The following LMO3 variants were observed in gnomAD, a reference collection of about 807,000 sequenced individuals.
The protein encoded by LMO3 is LIM domain only protein 3.
In LMO3, 2 loss-of-function variants were observed where a neutral mutation model predicts 15.8. That is an observed-to-expected ratio of 0.13 (90% CI 0.05 to 0.40). LMO3 has a LOEUF of 0.40. Among genes scored for constraint, LMO3 ranks in the 10% least tolerant of loss-of-function variants. LMO3 has a pLI of 0.99. For missense variants in LMO3, 86 were observed against 182.2 expected (o/e 0.47, Z 3.04); for synonymous variants, 62 against 63.8 (o/e 0.97, Z 0.13).
chr12:16,549,024 A>G lies in LMO3; in HGVS notation c.*2198T>C, dbSNP rs1023216756. ...TCCCAATTTACAAGTATTTTGACAT[A>G]TAGATAAACAAAAGCAAAACCAGTT... On this transcript the variant is annotated 3_prime_UTR_variant, in exon 4 of 4. Transcript: ENST00000537304. The G allele has an allele frequency of 6.6e-6, 1 of 152,176 alleles. No homozygotes were observed. 9.4% of individuals were successfully genotyped at this position (152,176 alleles called of 1,614,324 possible).
rs1375022210 is a variant in LMO3, at chr12:16,560,598, AAG to A, written c.207-62_207-61del. 78 of 1,475,062 alleles carry A rather than the reference AAG, an allele frequency of 5.3e-5. No homozygotes were observed. Among genetic ancestry groups the A allele is most frequent in the Non-Finnish European group, 6.4e-5 (68 of 1,067,058 alleles). 91.4% of individuals were successfully genotyped at this position (1,475,062 alleles called of 1,614,324 possible). On this transcript the variant is annotated intron_variant, in intron 2 of 3. Transcript: ENST00000537304. This position sits in a 1 kb window ranked among gnomAD's most constrained non-coding sequence, Gnocchi z 5.0. ...TCTTACAGAGAAATCTGAGATCGTGAAGAGAGATGATGTTAATATACTCTGTA... is the reference window on the plus strand; with the variant it reads ...TCTTACAGAGAAATCTGAGATCGTGAAGAGATGATGTTAATATACTCTGTA...
intron 2 of LMO3, among the ~76,000 whole-genome samples, chr12:16,590,913 G>T (rs574119832): frequency 6.6e-6 from 1 of 151,988 alleles, no homozygotes; most frequent in East Asian, 1.9e-4. Flanking sequence ...ATCACACAGG[G>T]TCATCAATGG....
At chr12:16,554,039 G>T (rs1942092915) in intron 3 of LMO3, among the ~76,000 whole-genome samples, 1 of 152,038 alleles carries the variant, frequency 6.6e-6, no homozygotes, top group Admixed American at 6.5e-5. Context: ...TTATGGTAAG[G>T]AATAAGAAGA....
Position 16,593,498 on chromosome 12 carries a change from T to C in LMO3, c.206+7157A>G, listed in dbSNP as rs965424214. Reference sequence around the variant, plus strand: ...TTTGCATCAGAAAACACTAACATGATAGCGCAAAGGAATTCGGCGAAAAGA... The same window carrying C: ...TTTGCATCAGAAAACACTAACATGACAGCGCAAAGGAATTCGGCGAAAAGA... On this transcript the variant is annotated intron_variant, in intron 2 of 3. Coordinates refer to ENST00000537304, the MANE Select transcript of LMO3 (RefSeq NM_018640.5). This position sits in a 1 kb window ranked among gnomAD's most constrained non-coding sequence, Gnocchi z 4.2. Among the ~76,000 whole-genome samples the C allele has an allele frequency of 6.6e-6, 1 of 151,742 alleles. No individual in the cohort carries two copies. Among genetic ancestry groups the C allele is most frequent in the Non-Finnish European group, 1.5e-5 (1 of 67,788 alleles).
In LMO3 at chr12:16,579,489, C is replaced by G. The variant is rs563308870; in HGVS notation, c.207-18951G>C. On this transcript the variant is annotated intron_variant, in intron 2 of 3. Transcript: ENST00000537304. The stretch of plus-strand genomic sequence containing the variant: ...GGTATATCAGTAGCTTAAAAGCCAA[C>G]GCAGATGTATAAGTGAATAGTTCCC... Among the ~76,000 whole-genome samples the G allele has an allele frequency of 7.9e-5, 12 of 152,128 alleles. 1 individual carries two copies. Among genetic ancestry groups the G allele is most frequent in the African/African-American group, 2.9e-4 (12 of 41,404 alleles).
chr12:16,559,676 G>C lies in LMO3; in HGVS notation c.332+737C>G, dbSNP rs987299485. On this transcript the variant is annotated intron_variant, in intron 3 of 3. Coordinates refer to ENST00000537304, the MANE Select transcript of LMO3 (RefSeq NM_018640.5). The surrounding 1 kb of genome is among the most constrained non-coding windows in gnomAD (Gnocchi z 4.1). ...AAGGTAAACAGCTAGATTGGGTGGGGGTGGTGGCTCATGCCTATAATCCCT... is the reference window on the plus strand; with the variant it reads ...AAGGTAAACAGCTAGATTGGGTGGGCGTGGTGGCTCATGCCTATAATCCCT... Among the ~76,000 whole-genome samples the C allele has an allele frequency of 2.6e-5, 4 of 152,130 alleles. No individual in the cohort carries two copies. Among genetic ancestry groups the C allele is most frequent in the Non-Finnish European group, 5.9e-5 (4 of 67,982 alleles).
rs561463420 is a variant in LMO3 at position 16,594,373 on chromosome 12, G to A, written c.206+6282C>T. 12 of 954,146 alleles carry A rather than the reference G, an allele frequency of 1.3e-5. No individual in the cohort carries two copies. In the South Asian group the frequency reaches 2.3e-4, roughly 18 times the overall value. The allele number at this position is 954,146 out of a possible 1,614,324, so 59.1% of individuals were successfully genotyped here. On this transcript the variant is annotated intron_variant, in intron 2 of 3. Transcript: ENST00000537304. ...AAGAAAGAAAAAGGCCATTTATAGA[G>A]ACATGGCTAATACAAATGGAGTTTT...
Position 16,596,353 on chromosome 12 carries a change from T to C in LMO3, c.206+4302A>G, listed in dbSNP as rs1443895286. Among the ~76,000 whole-genome samples the C allele has an allele frequency of 1.3e-5, 2 of 151,630 alleles. No homozygotes were observed. Among genetic ancestry groups the C allele is most frequent in the Non-Finnish European group, 3.0e-5 (2 of 67,622 alleles). ...AAATAGCAAATTGCATTAAATTTTA[T>C]ATAAGACATTTTACAGCTTCTTATA... On this transcript the variant is annotated intron_variant, in intron 2 of 3. Transcript: ENST00000537304. This position sits in a 1 kb window ranked among gnomAD's most constrained non-coding sequence, Gnocchi z 4.3.
intron 3 of LMO3, among the ~76,000 whole-genome samples, chr12:16,558,224 T>A (rs1410109298): frequency 4.6e-5 from 7 of 152,082 alleles, no homozygotes; most frequent in Non-Finnish European, 1.0e-4. Context: ...CATAGGAACA[T>A]GTATGGCTGG....
At chr12:16,552,969 TA>T (rs1942047850) in intron 3 of LMO3, among the ~76,000 whole-genome samples, 1 of 152,104 alleles carries the variant, frequency 6.6e-6, no homozygotes, top group South Asian at 2.1e-4. Context: ...TAATTGAAAA[TA>T]AAACTTTGGT....
Position 16,604,048 on chromosome 12 carries a change from G to GCAGC in LMO3, c.-9+2014_-9+2017dup, listed in dbSNP as rs1943912192. The stretch of plus-strand genomic sequence containing the variant: ...ATGCTAAAATGGGAATGCAGGTTCT[G>GCAGC]CAGCTGGGAGCATTGACACAGATTA... On this transcript the variant is annotated intron_variant, in intron 1 of 3. Coordinates refer to ENST00000537304, the MANE Select transcript of LMO3 (RefSeq NM_018640.5). This position sits in a 1 kb window ranked among gnomAD's most constrained non-coding sequence, Gnocchi z 5.3. 6.6e-6 allele frequency among the ~76,000 whole-genome samples: 1 copy of GCAGC among 152,190 alleles called. No individual in the cohort carries two copies. Among genetic ancestry groups the GCAGC allele is most frequent in the Non-Finnish European group, 1.5e-5 (1 of 68,030 alleles).
intron 1 of LMO3, chr12:16,605,011 G>A: frequency 2.5e-6 from 4 of 1,578,714 alleles, no homozygotes; most frequent in Non-Finnish European, 3.4e-6. Flanking sequence ...AGCCTACACC[G>A]CCGAGGACCG....
rs1455430548 is a variant in LMO3, at chr12:16,582,878, T to C, written c.206+17777A>G. 1.3e-5 allele frequency among the ~76,000 whole-genome samples: 2 copies of C among 151,744 alleles called. No homozygotes were observed. Among genetic ancestry groups the C allele is most frequent in the Non-Finnish European group, 2.9e-5 (2 of 67,930 alleles). On this transcript the variant is annotated intron_variant, in intron 2 of 3. Coordinates refer to ENST00000537304, the MANE Select transcript of LMO3 (RefSeq NM_018640.5). This position sits in a 1 kb window ranked among gnomAD's most constrained non-coding sequence, Gnocchi z 4.1. Reference sequence around the variant, plus strand: ...GCCTGGCCAACATGGCGAAACCCCGTCTCTACTAAAATAAAAAAATTAGCC... The same window carrying C: ...GCCTGGCCAACATGGCGAAACCCCGCCTCTACTAAAATAAAAAAATTAGCC...
intron 2 of LMO3, among the ~76,000 whole-genome samples, chr12:16,583,062 A>AG (rs1419350777): frequency 5.9e-5 from 9 of 151,452 alleles, no homozygotes; most frequent in Admixed American, 5.9e-4. Context: ...AAAAAAAAAA[A>AG]AAAATCTAAA....
chr12:16,560,623 G>A lies in LMO3; in HGVS notation c.207-85C>T, dbSNP rs1942368055. ...AAGAGAGATGATGTTAATATACTCT[G>A]TAAAGCTACAATACACAATGCTTTA... On this transcript the variant is annotated intron_variant, in intron 2 of 3. Transcript: ENST00000537304. This position sits in a 1 kb window ranked among gnomAD's most constrained non-coding sequence, Gnocchi z 5.0. 11 of 1,200,884 alleles carry A rather than the reference G, an allele frequency of 9.2e-6. No individual in the cohort carries two copies. In the South Asian group the frequency reaches 1.6e-4, roughly 17 times the overall value. The allele number at this position is 1,200,884 out of a possible 1,614,324, so 74.4% of individuals were successfully genotyped here.
upstream of LMO3, chr12:16,608,499 C>T (rs1807740460): frequency 6.6e-6 from 1 of 152,104 alleles, no homozygotes; most frequent in South Asian, 2.1e-4. The surrounding 1 kb of genome is among the most constrained non-coding windows in gnomAD (Gnocchi z 4.1). Context: ...GTAATTAGTA[C>T]TCTATTTGGA....
At chr12:16,562,130 C>T (rs891205683) in intron 2 of LMO3, among the ~76,000 whole-genome samples, 3 of 152,132 alleles carry the variant, frequency 2.0e-5, no homozygotes, top group Admixed American at 2.0e-4. Context: ...CTACTGGCAT[C>T]ATCAAAAATG....
In LMO3 at chr12:16,560,514, G is replaced by T; in HGVS notation, c.231C>A (p.Cys77Ter). ...YLRLFGVTGNCAACSKLIPAF... is the reference protein window; with the variant it reads ...YLRLFGVTGN The stretch of plus-strand genomic sequence containing the variant: ...CAGGGATGAGCTTACTACAGGCAGC[G>T]CAGTTTCCCGTTACACCAAAGAGCC... The change falls in exon 3 of 4, where the codon TGC becomes TGA. Residue 77 changes from cysteine (C) to a stop codon, truncating the protein, a stop_gained. Coordinates refer to ENST00000537304, the MANE Select transcript of LMO3 (RefSeq NM_018640.5). LOFTEE classifies it high-confidence loss of function. This position sits in a 1 kb window ranked among gnomAD's most constrained non-coding sequence, Gnocchi z 5.0. The T allele has an allele frequency of 6.2e-7, 1 of 1,613,030 alleles. No individual in the cohort carries two copies. The highest frequency in any genetic ancestry group is 1.7e-5 in the Admixed American group (1 of 59,876).
At chr12:16,574,902 C>G (rs961255788) in intron 2 of LMO3, among the ~76,000 whole-genome samples, 4 of 152,076 alleles carry the variant, frequency 2.6e-5, no homozygotes, top group Non-Finnish European at 5.9e-5. Flanking sequence ...AGAAATCTGG[C>G]CGAGTCCGAG....
Sources: allele counts gnomAD v4.1 joint callset (sites outside exome capture counted in the v4.1 genomes callset), GRCh38; gene constraint gnomAD v4.1.1; non-coding constraint Gnocchi (gnomAD v3.1); transcripts MANE v1.5; gene names NCBI Gene and HGNC (gene_info 2026-07-23, HGNC 2026-07-21).